Variants in MYO5A observed in about 807,000 individuals in gnomAD.
The protein encoded by MYO5A is unconventional myosin-Va.
In MYO5A, 98 loss-of-function variants were observed where a neutral mutation model predicts 249.7. That is an observed-to-expected ratio of 0.39 (90% CI 0.33 to 0.46). MYO5A has a LOEUF of 0.46. Among genes scored for constraint, MYO5A ranks in the 20% least tolerant of loss-of-function variants. MYO5A has a pLI of 0.98. For synonymous variants in MYO5A, 778 were observed against 810.6 expected (o/e 0.96, Z 0.68); for missense variants, 1,696 against 2,308.8 (o/e 0.73, Z 5.44).
intron 1 of MYO5A, among the ~76,000 whole-genome samples, chr15:52,493,954 A>G (rs572009316): frequency 6.6e-6 from 1 of 152,348 alleles, no homozygotes; most frequent in East Asian, 1.9e-4. Flanking sequence ...GTATCATACA[A>G]GAGTAGAAAA....
intron 1 of MYO5A, among the ~76,000 whole-genome samples, chr15:52,519,254 C>T (rs1181852680): frequency 2.0e-5 from 3 of 152,072 alleles, no homozygotes; most frequent in East Asian, 3.9e-4. Flanking sequence ...AAATAAAATG[C>T]TGAGGAAATA....
In MYO5A at chr15:52,472,331, G is replaced by A. The variant is rs192166496; in HGVS notation, c.28-39046C>T. On this transcript the variant is annotated intron_variant, in intron 1 of 41. Coordinates refer to ENST00000399233, the MANE Select transcript of MYO5A (RefSeq NM_001382347.1). ...CCTGACCTCGTGATCGGCCCACCTCGGTCTCCTAAAGTGCTGGGATTACAG... is the reference window on the plus strand; with the variant it reads ...CCTGACCTCGTGATCGGCCCACCTCAGTCTCCTAAAGTGCTGGGATTACAG... Among the ~76,000 whole-genome samples the A allele has an allele frequency of 5.9e-5, 9 of 152,196 alleles. No individual in the cohort carries two copies. The East Asian group carries it at 1.3e-3, about 23-fold the overall frequency.
At chr15:52,344,079 C>T (rs1273952899) in intron 30 of MYO5A, among the ~76,000 whole-genome samples, 2 of 152,150 alleles carry the variant, frequency 1.3e-5, no homozygotes, top group African/African-American at 4.8e-5. Flanking sequence ...CCAGCACTGA[C>T]TCTGGAGTCC....
chr15:52,468,322 A>G (rs2076391648), intron 1 of MYO5A, among the ~76,000 whole-genome samples: 2 of 152,184 alleles, frequency 1.3e-5, no homozygotes, highest in Non-Finnish European at 2.9e-5. Context: ...AAAATTAAAA[A>G]GATGTGCAGT....
At chr15:52,337,377 G>A (rs555701986) in intron 33 of MYO5A, among the ~76,000 whole-genome samples, 1 of 152,240 alleles carries the variant, frequency 6.6e-6, no homozygotes, top group Non-Finnish European at 1.5e-5. Flanking sequence ...TAACAGCTTA[G>A]AAGGGCTATG....
chr15:52,341,554 A>G (rs1314224186), intron 31 of MYO5A, among the ~76,000 whole-genome samples: 2 of 152,262 alleles, frequency 1.3e-5, no homozygotes, highest in Non-Finnish European at 1.5e-5. Flanking sequence ...GTTAAGAACT[A>G]ACTAATGTGA....
intron 1 of MYO5A, among the ~76,000 whole-genome samples, chr15:52,524,114 A>G (rs931939819): frequency 1.3e-5 from 2 of 152,258 alleles, no homozygotes; most frequent in Non-Finnish European, 2.9e-5. Context: ...GCAAGTTAAC[A>G]TGCTTTGCAA....
chr15:52,491,720 A>G (rs1402057125), intron 1 of MYO5A, among the ~76,000 whole-genome samples: 1 of 152,236 alleles, frequency 6.6e-6, no homozygotes, highest in Admixed American at 6.5e-5. Flanking sequence ...AACGGAAATT[A>G]AGGCATATCC....
At chr15:52,363,621 C>T (rs2040652414) in intron 24 of MYO5A, among the ~76,000 whole-genome samples, 1 of 152,154 alleles carries the variant, frequency 6.6e-6, no homozygotes, top group South Asian at 2.1e-4. Context: ...ATACTCTGCT[C>T]CACAGATACT....
chr15:52,381,432 G>T (rs1254666083), intron 16 of MYO5A, among the ~76,000 whole-genome samples: 1 of 152,074 alleles, frequency 6.6e-6, no homozygotes, highest in African/African-American at 2.4e-5. Flanking sequence ...TGGAGGGGGT[G>T]AGGGGTGGGA....
intron 1 of MYO5A, among the ~76,000 whole-genome samples, chr15:52,493,508 A>G (rs2076976184): frequency 6.6e-6 from 1 of 152,048 alleles, no homozygotes; most frequent in Non-Finnish European, 1.5e-5. Flanking sequence ...CTAAAAATAC[A>G]AAAATCAGCT....
rs1474721284 is a variant in MYO5A at position 52,336,444 on chromosome 15, G to GA, written c.4408+18dup. 3 of 1,524,596 alleles carry GA rather than the reference G, an allele frequency of 2.0e-6. No individual in the cohort carries two copies. Among genetic ancestry groups the GA allele is most frequent in the African/African-American group, 1.4e-5 (1 of 73,178 alleles). 94.4% of individuals were successfully genotyped at this position (1,524,596 alleles called of 1,614,324 possible). A position where few individuals can be genotyped will look rare whatever the true frequency, so the allele number is the denominator to read the frequency against. On this transcript the variant is annotated intron_variant, in intron 34 of 41. Coordinates refer to ENST00000399233, the MANE Select transcript of MYO5A (RefSeq NM_001382347.1). ...CAAACCAAGACTCAGTGACCGTCTT[G>GA]AAAAAAAGGTTTAAATACCTTCTAG...
intron 1 of MYO5A, among the ~76,000 whole-genome samples, chr15:52,499,398 T>A (rs573018688): frequency 6.6e-6 from 1 of 152,344 alleles, no homozygotes; most frequent in East Asian, 1.9e-4. Context: ...ATTAAATACA[T>A]TTGCTTTGTT....
chr15:52,320,333 A>G (rs1359478404), intron 38 of MYO5A, among the ~76,000 whole-genome samples: 1 of 152,224 alleles, frequency 6.6e-6, no homozygotes, highest in Non-Finnish European at 1.5e-5. Context: ...CAGATTCCCT[A>G]GAACCGGCAT....
chr15:52,383,174 C>T lies in MYO5A; in HGVS notation c.1929G>A (p.Leu643=). The T allele has an allele frequency of 6.2e-7, 1 of 1,613,620 alleles. No homozygotes were observed. Among genetic ancestry groups the T allele is most frequent in the East Asian group, 2.2e-5 (1 of 44,858 alleles). The change falls in exon 16 of 42, where the codon CTG becomes CTA. Residue 643 remains leucine, a synonymous_variant. Transcript: ENST00000399233. ...CATTGAGTGTCTCCATAAGCAGGTG[C>T]AGGGAGTTTCTGAACTGCATGAAAA... ...KTVGHQFRNS[L]HLLMETLNAT... is the part of the protein sequence containing the mutation.
At chr15:52,375,230 TG>T in intron 20 of MYO5A, 73 bp downstream of exon 20, 1 of 1,474,382 alleles carries the variant, frequency 6.8e-7, no homozygotes, top group Non-Finnish European at 9.5e-7. Context: ...GTAGCCCCTG[TG>T]GTACTCTGTA....
chr15:52,440,093 CAG>C (rs1240268138), intron 1 of MYO5A, among the ~76,000 whole-genome samples: 3 of 152,198 alleles, frequency 2.0e-5, no homozygotes, highest in Non-Finnish European at 2.9e-5. Flanking sequence ...GTAATTTTGA[CAG>C]AGTCTAAAAG....
At chr15:52,375,903 A>G (rs187236086) in intron 19 of MYO5A, among the ~76,000 whole-genome samples, 4 of 152,310 alleles carry the variant, frequency 2.6e-5, no homozygotes, top group African/African-American at 9.6e-5. Flanking sequence ...GTTAGGCTAT[A>G]AGCTCATGAT....
At chr15:52,381,193 G>T (rs1169758782) in intron 16 of MYO5A, among the ~76,000 whole-genome samples, 1 of 152,166 alleles carries the variant, frequency 6.6e-6, no homozygotes, top group African/African-American at 2.4e-5. Context: ...GTGTCTGTTG[G>T]TGGTGGAAGA....
Sources: allele counts gnomAD v4.1 joint callset (sites outside exome capture counted in the v4.1 genomes callset), GRCh38; gene constraint gnomAD v4.1.1; transcripts MANE v1.5; gene names NCBI Gene and HGNC (gene_info 2026-07-23, HGNC 2026-07-21).